Variants in TENM3 observed in about 807,000 individuals in gnomAD.
The protein encoded by TENM3 is teneurin-3.
In TENM3, 63 loss-of-function variants were observed where a neutral mutation model predicts 255.1. The ratio of observed to expected loss-of-function variants is 0.25; its 90% confidence interval spans 0.20 to 0.30. TENM3 has a LOEUF of 0.30. Ranked by LOEUF, TENM3 falls within the 10% of genes least tolerant of loss-of-function variation. The pLI, the probability that TENM3 is intolerant of heterozygous loss-of-function variation, is 1.00. For synonymous variants in TENM3, 1,306 were observed against 1,322.3 expected, an observed-to-expected ratio of 0.99 and a Z score of 0.27; for missense variants, 2,929 against 3,461.1, an observed-to-expected ratio of 0.85 and a Z score of 3.86.
chr4:182,047,560 C>A, the TENM3 span, among the ~76,000 whole-genome samples: 144 of 72,280 alleles, frequency 2.0e-3, no homozygotes, highest in South Asian at 7.1e-3. Context: ...GACTCCATCT[C>A]AAAAAAAAAA....
intron 1 of TENM3, among the ~76,000 whole-genome samples, chr4:182,148,714 G>A (rs1156626992): frequency 6.6e-6 from 1 of 152,062 alleles, no homozygotes; most frequent in Non-Finnish European, 1.5e-5. Flanking sequence ...GCATGTGGAG[G>A]TAATTCCTTA....
chr4:182,430,635 G>T (rs1439804960), intron 3 of TENM3, among the ~76,000 whole-genome samples: 1 of 152,190 alleles, frequency 6.6e-6, no homozygotes, highest in South Asian at 2.1e-4. Context: ...CTGAAGGCAC[G>T]CTGCTCATGT....
intron 2 of TENM3, among the ~76,000 whole-genome samples, chr4:182,339,081 T>C (rs1764314608): frequency 6.6e-6 from 1 of 152,236 alleles, no homozygotes; most frequent in Non-Finnish European, 1.5e-5. Context: ...GAAAGGAATC[T>C]GAAACCCCTT....
At chr4:182,796,602 T>C (rs1208740263) in intron 26 of TENM3, 35 bp from the exon 27 acceptor site, 1 of 1,546,836 alleles carries the variant, frequency 6.5e-7, no homozygotes, top group African/African-American at 1.4e-5. Context: ...CAAAACAAAC[T>C]CCAACACCTT....
chr4:182,209,436 C>A (rs944153902), intron 1 of TENM3, among the ~76,000 whole-genome samples: 1 of 151,990 alleles, frequency 6.6e-6, no homozygotes, highest in African/African-American at 2.4e-5. Context: ...ACCACTAGAT[C>A]AAAGCTACAC....
chr4:182,141,698 G>A (rs1579477292), upstream of TENM3: 1 of 152,212 alleles, frequency 6.6e-6, no homozygotes, highest in Non-Finnish European at 1.5e-5. Flanking sequence ...GAAAAACTTT[G>A]AATCTCATGT....
the TENM3 span, among the ~76,000 whole-genome samples, chr4:182,049,835 G>A: frequency 3.9e-5 from 6 of 152,222 alleles, no homozygotes; most frequent in Non-Finnish European, 7.4e-5. Flanking sequence ...GGAGTATCAC[G>A]TATAAATCAG....
intron 3 of TENM3, among the ~76,000 whole-genome samples, chr4:182,581,130 C>T (rs1002183950): frequency 6.6e-6 from 1 of 151,994 alleles, no homozygotes; most frequent in Admixed American, 6.6e-5. Flanking sequence ...TTAAATTACC[C>T]AGGTTTTTCT....
the TENM3 span, among the ~76,000 whole-genome samples, chr4:181,805,394 A>T: frequency 3.3e-5 from 5 of 151,806 alleles, no homozygotes; most frequent in African/African-American, 1.2e-4. Context: ...GCTTCACTCT[A>T]CTTGTAGTTC....
At chr4:182,081,583 C>CAAAAAAAAAAAAAA in the TENM3 span, among the ~76,000 whole-genome samples, 1 of 87,534 alleles carries the variant, frequency 1.1e-5, no homozygotes. Context: ...GGCTCTGCCT[C>CAAAAAAAAAAAAAA]AAAAAAAAAA....
the TENM3 span, among the ~76,000 whole-genome samples, chr4:181,770,522 T>C: frequency 6.6e-6 from 1 of 151,476 alleles, no homozygotes; most frequent in Non-Finnish European, 1.5e-5. Context: ...AAAATGCAAA[T>C]AAATTAGATG....
intron 3 of TENM3, among the ~76,000 whole-genome samples, chr4:182,414,560 C>T (rs912203150): frequency 3.3e-5 from 5 of 152,142 alleles, no homozygotes; most frequent in African/African-American, 1.2e-4. Flanking sequence ...CATGCAATTA[C>T]ATTTCCAAAA....
At chr4:182,532,680 C>G (rs1160057562) in intron 3 of TENM3, among the ~76,000 whole-genome samples, 1 of 152,076 alleles carries the variant, frequency 6.6e-6, no homozygotes, top group East Asian at 1.9e-4. Context: ...CAAAATGTTA[C>G]CCAAGTGACC....
chr4:181,655,234 A>C, the TENM3 span, among the ~76,000 whole-genome samples: 1 of 152,302 alleles, frequency 6.6e-6, no homozygotes, highest in South Asian at 2.1e-4. Context: ...GTGTCCAAGG[A>C]GCGTGAGAAG....
intron 1 of TENM3, among the ~76,000 whole-genome samples, chr4:182,284,444 C>T (rs757741914): frequency 1.6e-4 from 24 of 152,128 alleles, no homozygotes; most frequent in Non-Finnish European, 2.2e-4. Flanking sequence ...AATCTATCTG[C>T]GGATCGTACT....
chr4:182,420,138 C>T (rs771263034), intron 3 of TENM3, among the ~76,000 whole-genome samples: 91 of 151,720 alleles, frequency 6.0e-4, no homozygotes, highest in Admixed American at 1.6e-3. Flanking sequence ...AGTAAGTCTG[C>T]CTGATTGTTA....
the TENM3 span, among the ~76,000 whole-genome samples, chr4:181,870,706 T>C: frequency 1.3e-5 from 2 of 152,182 alleles, no homozygotes; most frequent in Non-Finnish European, 2.9e-5. Context: ...ATCTTTTGGG[T>C]AGACCTTTGT....
At chr4:182,023,966 T>C in the TENM3 span, among the ~76,000 whole-genome samples, 1 of 152,204 alleles carries the variant, frequency 6.6e-6, no homozygotes, top group African/African-American at 2.4e-5. Context: ...AGGGGACAAA[T>C]TCCTTACTGC....
chr4:181,594,225 T>G, the TENM3 span, among the ~76,000 whole-genome samples: 1 of 152,206 alleles, frequency 6.6e-6, no homozygotes, highest in Non-Finnish European at 1.5e-5. Context: ...GTGTGAATTA[T>G]CTACATGACC....
Sources: allele counts gnomAD v4.1 joint callset (sites outside exome capture counted in the v4.1 genomes callset), GRCh38; gene constraint gnomAD v4.1.1; transcripts MANE v1.5; gene names NCBI Gene and HGNC (gene_info 2026-07-23, HGNC 2026-07-21).